Variants in RBFOX3 observed in about 807,000 individuals in gnomAD.
RBFOX3 encodes RNA binding protein fox-1 homolog 3.
In RBFOX3, 17 loss-of-function variants were observed where a neutral mutation model predicts 48.7. That is an observed-to-expected ratio of 0.35 (90% confidence interval 0.24 to 0.52). The LOEUF (loss-of-function observed/expected upper bound fraction) is 0.52, where lower values mean the gene tolerates loss of function less well. Among genes scored for constraint, RBFOX3 ranks in the 20% least tolerant of loss-of-function variants. The pLI is 0.94. For synonymous variants in RBFOX3, 212 were observed against 209.5 expected (o/e 1.01, Z -0.10); for missense variants, 382 against 497.5 (o/e 0.77, Z 2.21).
At chr17:79,589,342 G>A (rs1363649757) in intron 1 of RBFOX3, among the ~76,000 whole-genome samples, 1 of 152,130 alleles carries the variant, frequency 6.6e-6, no homozygotes, top group Non-Finnish European at 1.5e-5. Flanking sequence ...CGTGGCCTGT[G>A]GCTGGCTCAC....
At chr17:79,553,219 TA>T (rs1426276797) in intron 1 of RBFOX3, among the ~76,000 whole-genome samples, 1 of 152,218 alleles carries the variant, frequency 6.6e-6, no homozygotes, top group Admixed American at 6.5e-5. Context: ...TTTTCAGTGT[TA>T]AAAAAGATAA....
At chr17:79,562,459 T>C (rs2092280628) in intron 1 of RBFOX3, among the ~76,000 whole-genome samples, 1 of 152,250 alleles carries the variant, frequency 6.6e-6, no homozygotes, top group Non-Finnish European at 1.5e-5. Flanking sequence ...TGGATATAAA[T>C]AATTTACTGC....
the RBFOX3 span, among the ~76,000 whole-genome samples, chr17:79,635,134 C>T: frequency 2.2e-5 from 3 of 139,212 alleles, no homozygotes; most frequent in Non-Finnish European, 4.6e-5. Context: ...ATCTAAGGTT[C>T]CTTCTGGCTC....
At chr17:79,141,627 G>C (rs1436577111) in intron 4 of RBFOX3, among the ~76,000 whole-genome samples, 1 of 152,194 alleles carries the variant, frequency 6.6e-6, no homozygotes. Context: ...TTGGCAATGT[G>C]CCTGGGTCGG....
At chr17:79,542,438 G>T (rs926346093) in intron 1 of RBFOX3, among the ~76,000 whole-genome samples, 2 of 152,200 alleles carry the variant, frequency 1.3e-5, no homozygotes, top group African/African-American at 4.8e-5. Flanking sequence ...ATGAATCAGC[G>T]AAGAAGCTGG....
intron 5 of RBFOX3, among the ~76,000 whole-genome samples, chr17:79,107,391 C>G (rs750238754): frequency 6.6e-6 from 1 of 152,256 alleles, no homozygotes; most frequent in Admixed American, 6.5e-5. Context: ...TCCTCTATAG[C>G]CCCCATTTGG....
Position 79,481,697 on chromosome 17 carries a change from TG to T in RBFOX3, c.-175+756del, listed in dbSNP as rs1303374292. Among the ~76,000 whole-genome samples, 2 of 152,096 alleles carry T rather than the reference TG, an allele frequency of 1.3e-5. No homozygotes were observed. Among genetic ancestry groups the T allele is most frequent in the Non-Finnish European group, 2.9e-5 (2 of 68,018 alleles). ...AGCAGGGTGGTGCATCCTAACACCA[TG>T]GGGAATGGGTGTGGATGCTCCGAAC... On this transcript the variant is annotated intron_variant, in intron 2 of 14. Coordinates refer to ENST00000693108, the MANE Select transcript of RBFOX3 (RefSeq NM_001350451.2). This position sits in a 1 kb window ranked among gnomAD's most constrained non-coding sequence, Gnocchi z 5.4.
chr17:79,322,451 G>A (rs1171953665), intron 2 of RBFOX3, among the ~76,000 whole-genome samples: 1 of 152,212 alleles, frequency 6.6e-6, no homozygotes, highest in Non-Finnish European at 1.5e-5. Flanking sequence ...GCCCTGAGTA[G>A]AATTTAGCTC....
At chr17:79,640,425 T>A in the RBFOX3 span, among the ~76,000 whole-genome samples, 1 of 152,046 alleles carries the variant, frequency 6.6e-6, no homozygotes, top group Non-Finnish European at 1.5e-5. Context: ...CCTATCAAAA[T>A]CCCGATGGCA....
intron 4 of RBFOX3, chr17:79,208,460 G>T (rs2057846123): frequency 6.6e-6 from 1 of 152,324 alleles, no homozygotes; most frequent in South Asian, 2.1e-4. Flanking sequence ...TTCTGCTGGG[G>T]TCTCCAACCC....
intron 2 of RBFOX3, among the ~76,000 whole-genome samples, chr17:79,329,517 C>T (rs1187594688): frequency 1.3e-5 from 2 of 152,134 alleles, no homozygotes; most frequent in African/African-American, 4.8e-5. Flanking sequence ...TGAGAACTTC[C>T]TTCATTAAAG....
At chr17:79,372,690 A>C (rs905393144) in intron 2 of RBFOX3, among the ~76,000 whole-genome samples, 2 of 152,160 alleles carry the variant, frequency 1.3e-5, no homozygotes, top group African/African-American at 4.8e-5. Context: ...GGGCAGGGAC[A>C]GACGTGTGAG....
chr17:79,462,897 C>T (rs1368930662), intron 2 of RBFOX3, among the ~76,000 whole-genome samples: 5 of 152,174 alleles, frequency 3.3e-5, no homozygotes. Context: ...TCAGCCCAAG[C>T]CCATTCCAAG....
At chr17:79,460,592 G>A (rs1180086979) in intron 2 of RBFOX3, among the ~76,000 whole-genome samples, 2 of 152,226 alleles carry the variant, frequency 1.3e-5, no homozygotes, top group South Asian at 2.1e-4. Flanking sequence ...TGAAGTTCAC[G>A]TGTTGAAAAC....
chr17:79,661,562 A>G, the RBFOX3 span, among the ~76,000 whole-genome samples: 2 of 152,186 alleles, frequency 1.3e-5, no homozygotes, highest in African/African-American at 4.8e-5. Context: ...CTGTGGTCAC[A>G]CTCATGCACA....
At chr17:79,106,850 G>C in intron 5 of RBFOX3, 62 bp from the exon 6 acceptor site, 1 of 1,462,266 alleles carries the variant, frequency 6.8e-7, no homozygotes, top group South Asian at 1.4e-5. Flanking sequence ...CATCCCCTCT[G>C]CTAAAGGGTC....
chr17:79,541,281 G>A (rs978223921), intron 1 of RBFOX3, among the ~76,000 whole-genome samples: 2 of 152,072 alleles, frequency 1.3e-5, no homozygotes, highest in Non-Finnish European at 2.9e-5. Flanking sequence ...TTCATTATGT[G>A]CCCATGAGCA....
chr17:79,133,648 G>A (rs1249450999), intron 4 of RBFOX3, among the ~76,000 whole-genome samples: 1 of 152,198 alleles, frequency 6.6e-6, no homozygotes, highest in Non-Finnish European at 1.5e-5. Context: ...AAGTCCTGCT[G>A]AGATGCTGCT....
At chr17:79,308,930 C>T (rs969479889) in intron 2 of RBFOX3, among the ~76,000 whole-genome samples, 3 of 151,990 alleles carry the variant, frequency 2.0e-5, no homozygotes, top group Non-Finnish European at 2.9e-5. Flanking sequence ...ACCAGTCTGA[C>T]GAACATGGTG....
Sources: gnomAD v4.1 joint callset for allele counts (sites outside exome capture counted in the v4.1 genomes callset) on GRCh38, gnomAD v4.1.1 for gene constraint, Gnocchi (gnomAD v3.1) non-coding constraint, MANE v1.5 for transcripts, NCBI Gene and HGNC (gene_info 2026-07-23, HGNC 2026-07-21) for gene names.